RAD51AP1: variants seen among roughly 807,000 people sequenced by gnomAD.
RAD51AP1 encodes the protein RAD51-associated protein 1.
A neutral mutation model predicts 34.3 loss-of-function variants in RAD51AP1; 14 were observed. The ratio of observed to expected loss-of-function variants is 0.41; its 90% confidence interval spans 0.27 to 0.64. RAD51AP1 has a LOEUF of 0.64. Ranked by LOEUF, RAD51AP1 falls within the 30% of genes least tolerant of loss-of-function variation. RAD51AP1 has a pLI of 0.33. For synonymous variants in RAD51AP1, 114 were observed against 129.8 expected, an observed-to-expected ratio of 0.88 and a Z score of 0.83; for missense variants, 348 against 386.9, an observed-to-expected ratio of 0.90 and a Z score of 0.84.
At chr12:4,548,285 G>C in intron 5 of RAD51AP1, 107 bp downstream of exon 5, 1 of 1,422,108 alleles carries the variant, frequency 7.0e-7, no homozygotes, top group Non-Finnish European at 9.5e-7. Flanking sequence ...AATTTGTCAA[G>C]ACTCTCTTGA....
chr12:4,548,197 T>C lies in RAD51AP1; in HGVS notation c.406+19T>C, dbSNP rs1944520676. ...TATTTAGGTAAGTTTTTTATATTAA[T>C]AATTTTTCTCATCAACAATGCTGTT... On this transcript the variant is annotated intron_variant, in intron 5 of 8. Coordinates refer to ENST00000352618, the MANE Select transcript of RAD51AP1 (RefSeq NM_006479.5). The C allele has an allele frequency of 1.3e-6, 2 of 1,586,890 alleles. No homozygotes were observed. Among genetic ancestry groups the C allele is most frequent in the African/African-American group, 1.4e-5 (1 of 73,084 alleles).
intron 7 of RAD51AP1, among the ~76,000 whole-genome samples, chr12:4,555,324 C>G (rs960688363): frequency 6.6e-6 from 1 of 152,162 alleles, no homozygotes; most frequent in African/African-American, 2.4e-5. Context: ...TGCCTCCCAC[C>G]TATTTTTGCC....
intron 3 of RAD51AP1, 80 bp downstream of exon 3, chr12:4,543,984 A>C: frequency 8.1e-7 from 1 of 1,230,808 alleles, no homozygotes; most frequent in Non-Finnish European, 1.1e-6. Context: ...CCCTTGATTT[A>C]AATTAGAACT....
chr12:4,552,909 G>A, intron 6 of RAD51AP1, 74 bp from the exon 7 acceptor site: 1 of 1,334,932 alleles, frequency 7.5e-7, no homozygotes, highest in Non-Finnish European at 1.0e-6. Flanking sequence ...GAATCTGAAA[G>A]CTGTGGATAA....
At chr12:4,548,545 G>A (rs143387342) in intron 5 of RAD51AP1, 142 bp from the exon 6 acceptor site, 14 of 976,728 alleles carry the variant, frequency 1.4e-5, no homozygotes, top group African/African-American at 4.9e-5. Context: ...ACCCAGATTG[G>A]GCTAATAGTC....
intron 6 of RAD51AP1, 134 bp from the exon 7 acceptor site, chr12:4,552,849 A>G (rs1944555831): frequency 2.8e-6 from 2 of 705,074 alleles, no homozygotes; most frequent in South Asian, 4.2e-5. Flanking sequence ...CACAATGGCA[A>G]CCACTGCAGT....
intron 6 of RAD51AP1, among the ~76,000 whole-genome samples, chr12:4,550,349 C>T (rs1400386468): frequency 6.6e-6 from 1 of 152,218 alleles, no homozygotes; most frequent in Non-Finnish European, 1.5e-5. Context: ...AGTATCAGAA[C>T]TATTGGATAC....
At chr12:4,553,786 G>A (rs1396832775) in intron 7 of RAD51AP1, among the ~76,000 whole-genome samples, 2 of 151,926 alleles carry the variant, frequency 1.3e-5, no homozygotes, top group Admixed American at 6.6e-5. Flanking sequence ...TATATGATAG[G>A]TTATTGCAAA....
intron 4 of RAD51AP1, among the ~76,000 whole-genome samples, chr12:4,546,957 A>G (rs771505862): frequency 5.9e-5 from 9 of 152,256 alleles, no homozygotes; most frequent in Non-Finnish European, 1.0e-4. Flanking sequence ...CTCTACTGCT[A>G]AAATGCTTTT....
At position 4,552,981 on chromosome 12, in the gene RAD51AP1, A is replaced by G; in HGVS notation, c.557-2A>G. The G allele has an allele frequency of 6.4e-7, 1 of 1,569,714 alleles. No individual in the cohort carries two copies. The highest frequency in any genetic ancestry group is 1.2e-5 in the South Asian group (1 of 83,652). ...GATGAACTATATAATCTTCTGTTTT[A>G]GGTGAAGATTCTGAGGATGATTCTG... On this transcript the variant is annotated splice_acceptor_variant, in intron 6 of 8. Coordinates refer to ENST00000352618, the MANE Select transcript of RAD51AP1 (RefSeq NM_006479.5). LOFTEE classifies it high-confidence loss of function.
chr12:4,554,181 C>G (rs575497745), intron 7 of RAD51AP1, among the ~76,000 whole-genome samples: 19 of 152,220 alleles, frequency 1.2e-4, no homozygotes, highest in African/African-American at 3.9e-4. Flanking sequence ...GGAGACAAAC[C>G]ACGTTCTTGT....
In RAD51AP1 at chr12:4,541,436, G is replaced by A. The variant is rs558606741; in HGVS notation, c.18-448G>A. ...GTCAAGAAATTTATAATCTAGTAAG[G>A]AAGATAGAATGCACACACAAAACAG... On this transcript the variant is annotated intron_variant, in intron 1 of 8. Transcript: ENST00000352618. 2.0e-5 allele frequency among the ~76,000 whole-genome samples: 3 copies of A among 152,280 alleles called. No individual in the cohort carries two copies. The East Asian group carries it at 5.8e-4, about 29-fold the overall frequency.
rs752763958 is a variant in RAD51AP1 at position 4,559,611 on chromosome 12, G to A, written c.*618G>A. 6.6e-6 allele frequency: 1 copy of A among 152,132 alleles called. No homozygotes were observed. Among genetic ancestry groups the A allele is most frequent in the Non-Finnish European group, 1.5e-5 (1 of 68,030 alleles). The allele number at this position is 152,132 out of a possible 1,614,324, so 9.4% of individuals were successfully genotyped here. The stretch of plus-strand genomic sequence containing the variant: ...CATTGTCAAAACCTTTAATAAAAGT[G>A]GAAATATTTTGAAATGCCCTTTTTC... On this transcript the variant is annotated 3_prime_UTR_variant, in exon 9 of 9. Transcript: ENST00000352618.
chr12:4,546,023 C>A (rs1944503548), intron 3 of RAD51AP1, among the ~76,000 whole-genome samples: 2 of 152,240 alleles, frequency 1.3e-5, no homozygotes, highest in Admixed American at 6.5e-5. Flanking sequence ...TGTTTCCCAC[C>A]TGGACACAGC....
intron 1 of RAD51AP1, 87 bp downstream of exon 1, chr12:4,539,043 G>A: frequency 6.8e-7 from 1 of 1,475,780 alleles, no homozygotes; most frequent in Non-Finnish European, 9.5e-7. Flanking sequence ...AGTAAGACCG[G>A]AGGGCAGCGA....
intron 1 of RAD51AP1, among the ~76,000 whole-genome samples, chr12:4,539,251 ATTTG>A (rs376075704): frequency 4.6e-5 from 7 of 152,190 alleles, no homozygotes; most frequent in African/African-American, 9.6e-5. Flanking sequence ...GTGTTATTTT[ATTTG>A]TTTATCACTG....
intron 3 of RAD51AP1, among the ~76,000 whole-genome samples, chr12:4,544,567 T>C (rs997701729): frequency 2.6e-5 from 4 of 152,206 alleles, no homozygotes; most frequent in African/African-American, 7.2e-5. Context: ...ACTTACCTCA[T>C]GTCATGCTCT....
At chr12:4,545,811 C>T (rs1944501802) in intron 3 of RAD51AP1, 8 of 1,613,098 alleles carry the variant, frequency 5.0e-6, no homozygotes, top group East Asian at 2.2e-5. Flanking sequence ...AGTATTCCAG[C>T]TAGTGCAGTG....
intron 7 of RAD51AP1, among the ~76,000 whole-genome samples, chr12:4,554,324 C>G (rs894480197): frequency 5.3e-5 from 8 of 152,102 alleles, no homozygotes; most frequent in African/African-American, 1.9e-4. Flanking sequence ...TTATAAGGAC[C>G]CTGTGATTAC....
Sources: allele counts gnomAD v4.1 joint callset (sites outside exome capture counted in the v4.1 genomes callset), GRCh38; gene constraint gnomAD v4.1.1; transcripts MANE v1.5; gene names NCBI Gene and HGNC (gene_info 2026-07-23, HGNC 2026-07-21).